The following METTL4 variants were observed in gnomAD, a reference collection of about 807,000 sequenced individuals.
The protein encoded by METTL4 is N(6)-adenine-specific methyltransferase METTL4.
METTL4 carries 40 observed loss-of-function variants against 54.0 expected under a neutral mutation model. That is an observed-to-expected ratio of 0.74 (90% CI 0.58 to 0.96). The LOEUF is 0.96. Among genes scored for constraint, METTL4 ranks in the 50% least tolerant of loss-of-function variants. The probability of loss-of-function intolerance (pLI) is 0.00; values close to 1 mark genes in which losing one functional copy is unlikely to be tolerated. For missense variants in METTL4, 525 were observed against 549.0 expected (o/e 0.96, Z 0.44); for synonymous variants, 169 against 183.8 (o/e 0.92, Z 0.65).
chr18:2,560,317 C>T (rs1421732217), intron 3 of METTL4, among the ~76,000 whole-genome samples: 2 of 152,030 alleles, frequency 1.3e-5, no homozygotes, highest in Non-Finnish European at 2.9e-5. Flanking sequence ...CAAAAAGCAA[C>T]ACACTGAGAT....
intron 8 of METTL4, chr18:2,540,158 A>G: frequency 1.0e-6 from 1 of 985,328 alleles, no homozygotes; most frequent in Non-Finnish European, 1.2e-6. Context: ...TGTTGTCTAC[A>G]CTAAAAGAAA....
rs545253176 is a variant in METTL4, at chr18:2,569,524, C to T, written c.-439+1625G>A. 2.6e-5 allele frequency among the ~76,000 whole-genome samples: 4 copies of T among 151,618 alleles called. No homozygotes were observed. In the South Asian group the frequency reaches 8.4e-4, roughly 32 times the overall value. ...CCCACCCACTGCAACAGCCCTCTAG[C>T]CTGGGAGGCTTGTTAGAGTAGACGT... On this transcript the variant is annotated intron_variant, in intron 1 of 8. Coordinates refer to ENST00000574538, the MANE Select transcript of METTL4 (RefSeq NM_022840.5).
intron 4 of METTL4, chr18:2,553,735 G>C (rs2072196387): frequency 6.6e-6 from 1 of 151,966 alleles, no homozygotes; most frequent in African/African-American, 2.4e-5. Context: ...TTGTAAATGT[G>C]TACAATCTCA....
At position 2,544,264 on chromosome 18, in the gene METTL4, G is replaced by A. The variant is rs1275363714; in HGVS notation, c.1204C>T (p.Pro402Ser). 2.5e-6 allele frequency: 4 copies of A among 1,612,702 alleles called. No homozygotes were observed. The highest frequency in any genetic ancestry group is 1.3e-5 in the African/African-American group (1 of 74,798). The change falls in exon 8 of 9, where the codon CCC becomes TCC. Residue 402 changes from proline (P) to serine (S), a missense_variant. Coordinates refer to ENST00000574538, the MANE Select transcript of METTL4 (RefSeq NM_022840.5). The stretch of plus-strand genomic sequence containing the variant: ...ACAATTAATTTGTGGTCTGGAATGG[G>A]GAGCACGTTTACATCTGCATTCCTA... ...PLRNADVNVLPIPDHKLIVSV... is the reference protein window; with the variant it reads ...PLRNADVNVLSIPDHKLIVSV...
At chr18:2,557,313 A>G (rs1226502306) in intron 3 of METTL4, among the ~76,000 whole-genome samples, 1 of 152,134 alleles carries the variant, frequency 6.6e-6, no homozygotes, top group African/African-American at 2.4e-5. Context: ...CCAAAAATTT[A>G]AAAAATAAAA....
At chr18:2,542,629 C>T (rs1055961794) in intron 8 of METTL4, among the ~76,000 whole-genome samples, 1 of 151,608 alleles carries the variant, frequency 6.6e-6, no homozygotes, top group African/African-American at 2.4e-5. Flanking sequence ...CATATATAAT[C>T]AGGTATTACT....
At chr18:2,563,105 G>A (rs552727144) in intron 3 of METTL4, among the ~76,000 whole-genome samples, 1 of 152,068 alleles carries the variant, frequency 6.6e-6, no homozygotes, top group South Asian at 2.1e-4. Context: ...TTAACTCTCT[G>A]ATCTCATTTA....
intron 3 of METTL4, 77 bp downstream of exon 3, chr18:2,563,720 C>G: frequency 9.9e-7 from 1 of 1,011,830 alleles, no homozygotes; most frequent in Non-Finnish European, 1.4e-6. Flanking sequence ...AAAAAAAATC[C>G]TTATTTATGT....
At chr18:2,540,499 C>A in intron 8 of METTL4, 1 of 985,198 alleles carries the variant, frequency 1.0e-6, no homozygotes, top group Non-Finnish European at 1.2e-6. Context: ...AATACTTGTT[C>A]ATCTGTCAGA....
At chr18:2,553,843 T>A (rs2072197885) in intron 4 of METTL4, 1 of 152,196 alleles carries the variant, frequency 6.6e-6, no homozygotes, top group South Asian at 2.1e-4. Context: ...TGTGCATGCA[T>A]AGAATGGTTT....
At chr18:2,542,769 C>T (rs1361421706) in intron 8 of METTL4, among the ~76,000 whole-genome samples, 1 of 152,074 alleles carries the variant, frequency 6.6e-6, no homozygotes, top group African/African-American at 2.4e-5. Flanking sequence ...GAGAATCCTT[C>T]TTAGTCAAAG....
chr18:2,566,153 G>A (rs1348010580), intron 2 of METTL4, among the ~76,000 whole-genome samples: 1 of 151,332 alleles, frequency 6.6e-6, no homozygotes, highest in Non-Finnish European at 1.5e-5. Context: ...ATCTAAAATG[G>A]ACTTTGTAAA....
rs1163204891 is a variant in METTL4, at chr18:2,538,117, A to G, written c.*883T>C. ...AATAAATCAATATGCATTTCAAAGA[A>G]TCATTTCAGTCAAAATATTTTACTT... On this transcript the variant is annotated 3_prime_UTR_variant, in exon 9 of 9. Coordinates refer to ENST00000574538, the MANE Select transcript of METTL4 (RefSeq NM_022840.5). The G allele has an allele frequency of 2.5e-6, 1 of 392,936 alleles. No individual in the cohort carries two copies. 24.3% of individuals were successfully genotyped at this position (392,936 alleles called of 1,614,324 possible).
chr18:2,554,620 C>G, intron 4 of METTL4, 49 bp downstream of exon 4: 1 of 1,548,666 alleles, frequency 6.5e-7, no homozygotes, highest in African/African-American at 1.4e-5. Context: ...AACTTTTCAG[C>G]CCACGGAAAA....
At chr18:2,555,512 T>A (rs12606306) in intron 3 of METTL4, 15,685 of 153,590 alleles carry the variant, frequency 0.1, 1,427 homozygotes, top group African/African-American at 0.24. Context: ...CATCATCATC[T>A]TCTATAGGGA....
Position 2,565,925 on chromosome 18 carries a change from T to C in METTL4, c.396+896A>G, listed in dbSNP as rs555771628. Among the ~76,000 whole-genome samples, 54 of 152,024 alleles carry C rather than the reference T, an allele frequency of 3.6e-4. 1 individual carries two copies. The South Asian group carries it at 3.9e-3, about 11-fold the overall frequency. On this transcript the variant is annotated intron_variant, in intron 2 of 8. Coordinates refer to ENST00000574538, the MANE Select transcript of METTL4 (RefSeq NM_022840.5). ...AGCCAGGCGTGGTGGCAAGCGCCTG[T>C]AGTCCCAGCTGCTCGGGAGGCTGAG...
Position 2,567,254 on chromosome 18 carries a change from A to G in METTL4, c.-38T>C. 6.6e-7 allele frequency: 1 copy of G among 1,524,794 alleles called. No individual in the cohort carries two copies. Among genetic ancestry groups the G allele is most frequent in the South Asian group, 1.3e-5 (1 of 75,778 alleles). The allele number at this position is 1,524,794 out of a possible 1,614,324, so 94.5% of individuals were successfully genotyped here. ...AAAAAGCCTCTGGGAATTAGGAACTAGAATGAAAATCCAACTTTCCAGATC... is the reference window on the plus strand; with the variant it reads ...AAAAAGCCTCTGGGAATTAGGAACTGGAATGAAAATCCAACTTTCCAGATC... On this transcript the variant is annotated 5_prime_UTR_variant, in exon 2 of 9. Coordinates refer to ENST00000574538, the MANE Select transcript of METTL4 (RefSeq NM_022840.5).
At chr18:2,566,493 T>C (rs1253464008) in intron 2 of METTL4, among the ~76,000 whole-genome samples, 2 of 152,242 alleles carry the variant, frequency 1.3e-5, no homozygotes, top group East Asian at 3.8e-4. Flanking sequence ...TTAATACAAA[T>C]GCCTAATCAA....
At chr18:2,561,352 A>G (rs1334517837) in intron 3 of METTL4, 2 of 152,348 alleles carry the variant, frequency 1.3e-5, no homozygotes, top group East Asian at 1.9e-4. Context: ...AAAAATTACT[A>G]CAACTTAACA....
Sources: gnomAD v4.1 joint callset for allele counts (sites outside exome capture counted in the v4.1 genomes callset) on GRCh38, gnomAD v4.1.1 for gene constraint, MANE v1.5 for transcripts, NCBI Gene and HGNC (gene_info 2026-07-23, HGNC 2026-07-21) for gene names.